CNTNAP5: variants seen among roughly 807,000 people sequenced by gnomAD.
The protein encoded by CNTNAP5 is contactin-associated protein-like 5.
CNTNAP5 carries 72 observed loss-of-function variants against 150.2 expected under a neutral mutation model. The observed-to-expected ratio is 0.48, with a 90% CI of 0.40 to 0.58. The LOEUF (loss-of-function observed/expected upper bound fraction) is 0.58. CNTNAP5 is among the 20% of genes least tolerant of loss of function. The pLI, the probability that CNTNAP5 is intolerant of heterozygous loss-of-function variation, is 0.00. For synonymous variants in CNTNAP5, 672 were observed against 619.8 expected (o/e 1.08, Z -1.25); for missense variants, 1,636 against 1,626.2 (o/e 1.01, Z -0.10).
chr2:124,800,119 A>T (rs73955830), intron 19 of CNTNAP5, among the ~76,000 whole-genome samples: 5,233 of 152,292 alleles, frequency 0.034, 291 homozygotes, highest in African/African-American at 0.12. Flanking sequence ...AATCTATGGC[A>T]CAGTGGGGAC....
chr2:124,208,734 G>A (rs763216001), intron 1 of CNTNAP5, among the ~76,000 whole-genome samples: 28 of 152,164 alleles, frequency 1.8e-4, no homozygotes, highest in Non-Finnish European at 3.7e-4. Flanking sequence ...TGATAAAATC[G>A]GGAGGGAGTG....
In CNTNAP5 at chr2:124,469,975, T is replaced by C. The variant is rs563434374; in HGVS notation, c.919-4764T>C. Among the ~76,000 whole-genome samples the C allele has an allele frequency of 1.5e-4, 23 of 152,320 alleles. 1 individual carries two copies. The South Asian group carries it at 2.9e-3, about 19-fold the overall frequency. On this transcript the variant is annotated intron_variant, in intron 6 of 23. Coordinates refer to ENST00000682447, the MANE Select transcript of CNTNAP5 (RefSeq NM_001367498.1). Reference sequence around the variant, plus strand: ...CACATTTTCTTTATCCGGTCTATCATTGATGGACATTTATGTAGATTCCAT... The same window carrying C: ...CACATTTTCTTTATCCGGTCTATCACTGATGGACATTTATGTAGATTCCAT...
intron 19 of CNTNAP5, among the ~76,000 whole-genome samples, chr2:124,827,320 G>A (rs190390337): frequency 1.3e-5 from 2 of 152,284 alleles, no homozygotes; most frequent in African/African-American, 4.8e-5. Context: ...AGTCACAGGG[G>A]TTTTCAGGAT....
chr2:124,805,400 C>A (rs1192748246), intron 19 of CNTNAP5, among the ~76,000 whole-genome samples: 1 of 152,084 alleles, frequency 6.6e-6, no homozygotes, highest in Non-Finnish European at 1.5e-5. Flanking sequence ...CTGCTCACTG[C>A]AGTGCTAGTC....
intron 13 of CNTNAP5, among the ~76,000 whole-genome samples, chr2:124,710,618 C>G (rs13021629): frequency 6.6e-6 from 1 of 151,826 alleles, no homozygotes. Context: ...TGGCAATTTG[C>G]TTCCATCTTT....
intron 13 of CNTNAP5, among the ~76,000 whole-genome samples, chr2:124,686,922 T>C (rs1679204451): frequency 6.6e-6 from 1 of 152,148 alleles, no homozygotes; most frequent in Non-Finnish European, 1.5e-5. Context: ...CACTGCCCAA[T>C]AGAACTTCCT....
At chr2:124,612,577 C>T (rs1222778008) in intron 12 of CNTNAP5, among the ~76,000 whole-genome samples, 1 of 152,052 alleles carries the variant, frequency 6.6e-6, no homozygotes, top group Non-Finnish European at 1.5e-5. Context: ...TGAGTGTGTA[C>T]TTGTATTTAA....
intron 22 of CNTNAP5, among the ~76,000 whole-genome samples, chr2:124,908,884 A>T (rs1265709719): frequency 2.0e-5 from 3 of 152,138 alleles, no homozygotes; most frequent in Non-Finnish European, 4.4e-5. Flanking sequence ...AATAGAAAAA[A>T]TCTTCTAGCA....
intron 1 of CNTNAP5, among the ~76,000 whole-genome samples, chr2:124,158,842 A>G (rs1222168029): frequency 6.6e-6 from 1 of 152,152 alleles, no homozygotes; most frequent in African/African-American, 2.4e-5. Flanking sequence ...AAACCTCAAG[A>G]GCGCCTGGCA....
chr2:124,147,048 G>T (rs935377537), intron 1 of CNTNAP5, among the ~76,000 whole-genome samples: 3 of 152,150 alleles, frequency 2.0e-5, no homozygotes, highest in Non-Finnish European at 4.4e-5. Context: ...ACTCTATGAT[G>T]CTTTCTCGAA....
chr2:124,298,955 G>C (rs1172761254), intron 3 of CNTNAP5, among the ~76,000 whole-genome samples: 1 of 152,096 alleles, frequency 6.6e-6, no homozygotes, highest in East Asian at 1.9e-4. Context: ...CAGTGTCATA[G>C]GACTATCTCC....
At chr2:124,436,876 T>C (rs1420840975) in intron 5 of CNTNAP5, among the ~76,000 whole-genome samples, 3 of 152,202 alleles carry the variant, frequency 2.0e-5, no homozygotes, top group African/African-American at 7.2e-5. Context: ...TCCCTTTCTA[T>C]CAGTTTACCA....
intron 3 of CNTNAP5, among the ~76,000 whole-genome samples, chr2:124,408,632 A>C (rs989495588): frequency 2.0e-5 from 3 of 151,694 alleles, no homozygotes; most frequent in Non-Finnish European, 4.4e-5. Context: ...GCACACTGAC[A>C]CCTCACAAGG....
intron 8 of CNTNAP5, among the ~76,000 whole-genome samples, chr2:124,516,733 C>T (rs1694727190): frequency 6.6e-6 from 1 of 152,078 alleles, no homozygotes; most frequent in Non-Finnish European, 1.5e-5. Context: ...TTCATTGACA[C>T]CTTGCAACAT....
At chr2:124,193,829 C>G (rs962177278) in intron 1 of CNTNAP5, among the ~76,000 whole-genome samples, 3 of 152,120 alleles carry the variant, frequency 2.0e-5, no homozygotes, top group Middle Eastern at 3.4e-3. Flanking sequence ...TAGATATGTA[C>G]CTTGGAGAGA....
chr2:124,442,600 A>G (rs1692701608), intron 5 of CNTNAP5, among the ~76,000 whole-genome samples: 2 of 152,220 alleles, frequency 1.3e-5, no homozygotes, highest in South Asian at 4.1e-4. Context: ...GAATTCTTCA[A>G]TGATCTCAGA....
chr2:124,186,738 G>T (rs532293738), intron 1 of CNTNAP5, among the ~76,000 whole-genome samples: 28 of 150,948 alleles, frequency 1.9e-4, no homozygotes, highest in African/African-American at 6.5e-4. Context: ...ACATATGGAA[G>T]TGCCAAATTA....
intron 1 of CNTNAP5, among the ~76,000 whole-genome samples, chr2:124,033,442 C>T (rs991170959): frequency 6.6e-6 from 1 of 152,094 alleles, no homozygotes; most frequent in African/African-American, 2.4e-5. Context: ...TCTGTTTTCC[C>T]CTCCCTCCCT....
intron 1 of CNTNAP5, among the ~76,000 whole-genome samples, chr2:124,201,151 G>A (rs1291249129): frequency 6.6e-6 from 1 of 152,146 alleles, no homozygotes; most frequent in African/African-American, 2.4e-5. Flanking sequence ...CTGGTACCAG[G>A]CGTGGAGCCC....
Sources: gnomAD v4.1 joint callset for allele counts (sites outside exome capture counted in the v4.1 genomes callset) on GRCh38, gnomAD v4.1.1 for gene constraint, MANE v1.5 for transcripts, NCBI Gene and HGNC (gene_info 2026-07-23, HGNC 2026-07-21) for gene names.